GPHN: variants seen among roughly 807,000 people sequenced by gnomAD.
The protein encoded by GPHN is gephyrin.
Under a neutral mutation model 95.5 loss-of-function variants are expected in GPHN, and 17 were observed. That is an observed-to-expected ratio of 0.18 (90% confidence interval 0.12 to 0.27). The LOEUF (loss-of-function observed/expected upper bound fraction) is 0.27, where lower values mean the gene tolerates loss of function less well. Ranked by LOEUF, GPHN falls within the 10% of genes least tolerant of loss-of-function variation. The pLI is 1.00. For missense variants in GPHN, 660 were observed against 978.1 expected, an observed-to-expected ratio of 0.67 and a Z score of 4.34; for synonymous variants, 320 against 322.5, an observed-to-expected ratio of 0.99 and a Z score of 0.08.
the GPHN span, among the ~76,000 whole-genome samples, chr14:67,319,486 T>A: frequency 2.0e-4 from 31 of 152,258 alleles, no homozygotes; most frequent in Admixed American, 5.9e-4. Context: ...GCATATGGCC[T>A]GTTTTCAAGT....
the GPHN span, chr14:67,473,708 C>T: frequency 3.1e-6 from 5 of 1,597,200 alleles, no homozygotes; most frequent in Non-Finnish European, 3.4e-6. The surrounding 1 kb of genome is among the most constrained non-coding windows in gnomAD (Gnocchi z 6.5). Context: ...GCAGGAGCAG[C>T]GGGCAGCGGC....
the GPHN span, among the ~76,000 whole-genome samples, chr14:67,496,110 G>T: frequency 6.6e-6 from 1 of 152,248 alleles, no homozygotes; most frequent in East Asian, 1.9e-4. Context: ...GATTGCTTGA[G>T]CCCAGGAGGG....
chr14:66,813,255 A>G (rs1042684966), intron 3 of GPHN, among the ~76,000 whole-genome samples: 6 of 152,214 alleles, frequency 3.9e-5, no homozygotes, highest in South Asian at 2.1e-4. Context: ...ACACTAAAAG[A>G]ATGGTTTGCA....
the GPHN span, among the ~76,000 whole-genome samples, chr14:67,192,079 A>G: frequency 9.2e-5 from 14 of 152,214 alleles, no homozygotes; most frequent in African/African-American, 3.1e-4. Context: ...ATAAAACTCC[A>G]TTCTTTGTGC....
the GPHN span, chr14:67,360,515 T>C: frequency 6.7e-6 from 2 of 298,510 alleles, no homozygotes; most frequent in African/African-American, 4.3e-5. Flanking sequence ...TCCAGTGACA[T>C]GGGTGTTCGA....
At chr14:67,661,865 C>T in the GPHN span, among the ~76,000 whole-genome samples, 1 of 152,132 alleles carries the variant, frequency 6.6e-6, no homozygotes, top group Non-Finnish European at 1.5e-5. Context: ...CTCTTAAAAA[C>T]AGATTTTAGG....
the GPHN span, among the ~76,000 whole-genome samples, chr14:67,354,567 T>C: frequency 6.6e-6 from 1 of 152,264 alleles, no homozygotes; most frequent in East Asian, 1.9e-4. Context: ...AGCTAAATGC[T>C]AAATACATCA....
intron 1 of GPHN, among the ~76,000 whole-genome samples, chr14:66,678,871 C>T (rs536048897): frequency 5.9e-5 from 9 of 152,238 alleles, no homozygotes; most frequent in African/African-American, 1.4e-4. Context: ...TTCCCTAGGG[C>T]GTTCAGGTGA....
the GPHN span, among the ~76,000 whole-genome samples, chr14:67,476,242 G>C: frequency 6.6e-6 from 1 of 152,202 alleles, no homozygotes; most frequent in African/African-American, 2.4e-5. Context: ...CTTGTGCATT[G>C]CTCTGTGGTC....
intron 11 of GPHN, among the ~76,000 whole-genome samples, chr14:67,065,225 C>T (rs1449440509): frequency 6.6e-6 from 1 of 152,206 alleles, no homozygotes; most frequent in Non-Finnish European, 1.5e-5. Flanking sequence ...TGTTCAGTTT[C>T]CATGTGCTTG....
At chr14:66,552,960 ACTT>A (rs955251529) in intron 1 of GPHN, among the ~76,000 whole-genome samples, 3 of 144,790 alleles carry the variant, frequency 2.1e-5, no homozygotes. Flanking sequence ...GATTGGCTAA[ACTT>A]CTTTTTTTTT....
chr14:67,139,232 AAGAG>A (rs1282741704), intron 17 of GPHN, among the ~76,000 whole-genome samples: 4 of 151,798 alleles, frequency 2.6e-5, no homozygotes, highest in Non-Finnish European at 5.9e-5. Flanking sequence ...CAAAAAAAAA[AAGAG>A]AGAGAGAGAC....
intron 4 of GPHN, among the ~76,000 whole-genome samples, chr14:66,866,703 A>T (rs1351600838): frequency 1.3e-5 from 2 of 152,222 alleles, no homozygotes; most frequent in Non-Finnish European, 2.9e-5. Context: ...TTTCAAATAC[A>T]TATTAATCTC....
chr14:66,560,504 T>C (rs994612628), intron 1 of GPHN, among the ~76,000 whole-genome samples: 1 of 152,224 alleles, frequency 6.6e-6, no homozygotes, highest in African/African-American at 2.4e-5. Context: ...TTGAAGCCAT[T>C]GTGATTGGGA....
chr14:67,573,845 C>T, the GPHN span: 1 of 1,613,814 alleles, frequency 6.2e-7, no homozygotes, highest in South Asian at 1.1e-5. The surrounding 1 kb of genome is among the most constrained non-coding windows in gnomAD (Gnocchi z 4.8). Flanking sequence ...ATCTGAACTC[C>T]CGCTGCCAAA....
chr14:67,560,590 G>A, the GPHN span, among the ~76,000 whole-genome samples: 2 of 151,954 alleles, frequency 1.3e-5, no homozygotes, highest in Admixed American at 6.6e-5. Context: ...ATCCATTTTT[G>A]TAGTTTATCA....
chr14:66,523,434 C>T (rs2058558653), intron 1 of GPHN, among the ~76,000 whole-genome samples: 1 of 152,036 alleles, frequency 6.6e-6, no homozygotes, highest in African/African-American at 2.4e-5. Context: ...AAAATTAGCA[C>T]TCCCTCCAAA....
chr14:67,280,496 A>G, the GPHN span, among the ~76,000 whole-genome samples: 1 of 152,208 alleles, frequency 6.6e-6, no homozygotes, highest in Non-Finnish European at 1.5e-5. Context: ...CATGTAATAA[A>G]ATAATCCTGT....
chr14:67,508,757 A>AAAAAAAAAAAAAAAAAAAAAAC, the GPHN span, among the ~76,000 whole-genome samples: 1 of 149,154 alleles, frequency 6.7e-6, no homozygotes, highest in African/African-American at 2.4e-5. Context: ...TTGTCTCAAA[A>AAAAAAAAAAAAAAAAAAAAAAC]AAAAAAAAAA....
Sources: gnomAD v4.1 joint callset for allele counts (sites outside exome capture counted in the v4.1 genomes callset) on GRCh38, gnomAD v4.1.1 for gene constraint, Gnocchi (gnomAD v3.1) non-coding constraint, MANE v1.5 for transcripts, NCBI Gene and HGNC (gene_info 2026-07-23, HGNC 2026-07-21) for gene names.